Variants in RNF17 observed in about 807,000 individuals in gnomAD.
RNF17 encodes ring finger protein 17, also known as spermatogenesis associated 23.
RNF17 carries 31 observed loss-of-function variants against 200.5 expected under a neutral mutation model. The observed-to-expected ratio is 0.15, with a 90% CI of 0.12 to 0.21. The LOEUF is 0.21. Among genes scored for constraint, RNF17 ranks in the 10% least tolerant of loss-of-function variants. The pLI is 1.00. For missense variants in RNF17, 1,628 were observed against 1,905.1 expected, an observed-to-expected ratio of 0.85 and a Z score of 2.71; for synonymous variants, 606 against 637.8, an observed-to-expected ratio of 0.95 and a Z score of 0.75.
chr13:24,846,411 C>A (rs999554571), intron 22 of RNF17, among the ~76,000 whole-genome samples: 1 of 152,168 alleles, frequency 6.6e-6, no homozygotes, highest in Non-Finnish European at 1.5e-5. Flanking sequence ...TGGCCCTCCC[C>A]CAGAGGTTCA....
chr13:24,850,197 C>T (rs1009204265), intron 22 of RNF17, 144 bp from the exon 23 acceptor site: 11 of 453,684 alleles, frequency 2.4e-5, no homozygotes, highest in African/African-American at 4.0e-5. Context: ...AAAAATAATA[C>T]GAATCCATGT....
At chr13:24,887,345 CAGG>C in the RNF17 span, among the ~76,000 whole-genome samples, 5 of 152,184 alleles carry the variant, frequency 3.3e-5, no homozygotes, top group South Asian at 6.2e-4. Flanking sequence ...GGCCACACAG[CAGG>C]AGATGAGCAG....
intron 15 of RNF17, among the ~76,000 whole-genome samples, chr13:24,814,692 T>G (rs1887172992): frequency 1.3e-5 from 2 of 152,360 alleles, no homozygotes; most frequent in South Asian, 4.1e-4. Flanking sequence ...GGACTTTCTA[T>G]TTTGTTCCAT....
intron 15 of RNF17, among the ~76,000 whole-genome samples, chr13:24,815,062 G>A (rs1438325040): frequency 1.3e-5 from 2 of 152,186 alleles, no homozygotes; most frequent in Non-Finnish European, 2.9e-5. Flanking sequence ...ATAAGATCAT[G>A]TCATCTATGA....
At chr13:24,820,121 CTTTTT>C (rs200683421) in intron 15 of RNF17, among the ~76,000 whole-genome samples, 2 of 113,300 alleles carry the variant, frequency 1.8e-5, no homozygotes. Context: ...TTTCTTTTTT[CTTTTT>C]TTTTTTTTTT....
At chr13:24,811,618 G>A (rs1349135527) in intron 15 of RNF17, among the ~76,000 whole-genome samples, 1 of 152,016 alleles carries the variant, frequency 6.6e-6, no homozygotes, top group African/African-American at 2.4e-5. Context: ...TAATTTGATC[G>A]TCTGAAGCCT....
chr13:24,834,419 T>TAAC (rs140606076), intron 18 of RNF17, among the ~76,000 whole-genome samples: 124,801 of 150,404 alleles, frequency 0.83, 51,997 homozygotes, highest in South Asian at 0.91. Context: ...CATCTCAAAT[T>TAAC]AACAACAACA....
At chr13:24,751,705 T>C in the RNF17 span, 1 of 152,208 alleles carries the variant, frequency 6.6e-6, no homozygotes, top group Admixed American at 6.5e-5. Context: ...TCCCTGAATC[T>C]TCTGCACTTG....
chr13:24,753,899 G>A, the RNF17 span, among the ~76,000 whole-genome samples: 32 of 152,166 alleles, frequency 2.1e-4, no homozygotes, highest in Non-Finnish European at 2.8e-4. Flanking sequence ...GCTCATGCCT[G>A]TAATCCCAGC....
chr13:24,866,038 G>A (rs1829159648), intron 29 of RNF17, 106 bp from the exon 30 acceptor site: 1 of 676,734 alleles, frequency 1.5e-6, no homozygotes, highest in Non-Finnish European at 2.7e-6. Flanking sequence ...ATAAATAAAT[G>A]AATACCAACA....
intron 14 of RNF17, among the ~76,000 whole-genome samples, chr13:24,803,576 GCCTAGGCTGT>G (rs1222748096): frequency 6.6e-6 from 1 of 152,164 alleles, no homozygotes; most frequent in Non-Finnish European, 1.5e-5. Context: ...GAGCCACAGT[GCCTAGGCTGT>G]CCATCATTTC....
At chr13:24,849,670 G>A (rs1818349921) in intron 22 of RNF17, among the ~76,000 whole-genome samples, 1 of 152,112 alleles carries the variant, frequency 6.6e-6, no homozygotes. Context: ...ATGCATTACT[G>A]TCTGACAGTA....
intron 32 of RNF17, among the ~76,000 whole-genome samples, chr13:24,871,920 C>T (rs1474674598): frequency 8.0e-5 from 12 of 150,342 alleles, no homozygotes; most frequent in Non-Finnish European, 1.5e-4. Flanking sequence ...CGTGAGCCAC[C>T]GTGCCCGGCC....
In RNF17 at chr13:24,866,088, A is replaced by T. The variant is rs866537277; in HGVS notation, c.4102-56A>T. On this transcript the variant is annotated intron_variant, in intron 29 of 35. Transcript: ENST00000255324. ...GTTTTTGTGGGGATGAAATATGGAA[A>T]GTACCTTAAAACAATATAGCTAAAG... 131 of 939,504 alleles carry T rather than the reference A, an allele frequency of 1.4e-4. 1 individual carries two copies. The highest frequency in any genetic ancestry group is 2.7e-4 in the South Asian group (18 of 66,358). The allele number at this position is 939,504 out of a possible 1,614,324, so 58.2% of individuals were successfully genotyped here.
Position 24,877,194 on chromosome 13 carries a change from T to TCTC in RNF17, c.4773+9_4773+11dup. ...CTCTATGCTGTGTCCATGGTAAGTG[T>TCTC]CTCAAGTAGCCAAAATTATTGTAAA... On this transcript the variant is annotated intron_variant, in intron 34 of 35. Transcript: ENST00000255324. The TCTC allele has an allele frequency of 6.2e-7, 1 of 1,601,574 alleles. No homozygotes were observed. The highest frequency in any genetic ancestry group is 8.5e-7 in the Non-Finnish European group (1 of 1,176,202).
intron 15 of RNF17, among the ~76,000 whole-genome samples, chr13:24,811,483 T>G (rs549544708): frequency 4.0e-3 from 611 of 152,344 alleles, no homozygotes; most frequent in Non-Finnish European, 6.9e-3. Context: ...GCCTTGGTTT[T>G]CAGCTCCATC....
intron 22 of RNF17, 24 bp from the exon 23 acceptor site, chr13:24,850,317 A>G: frequency 6.8e-7 from 1 of 1,464,904 alleles, no homozygotes; most frequent in Non-Finnish European, 9.5e-7. Flanking sequence ...TTATAAAACA[A>G]GTTGCCACTG....
chr13:24,876,368 G>A (rs1894856432), intron 33 of RNF17, among the ~76,000 whole-genome samples: 5 of 152,162 alleles, frequency 3.3e-5, no homozygotes, highest in Admixed American at 3.3e-4. Context: ...TTTGGGTCTT[G>A]TGAATAATGC....
intron 25 of RNF17, among the ~76,000 whole-genome samples, chr13:24,855,068 A>G (rs759458394): frequency 6.6e-6 from 1 of 152,230 alleles, no homozygotes; most frequent in Non-Finnish European, 1.5e-5. Context: ...TTATGTAACC[A>G]GAACCATAAT....
Sources: allele counts gnomAD v4.1 joint callset (sites outside exome capture counted in the v4.1 genomes callset), GRCh38; gene constraint gnomAD v4.1.1; transcripts MANE v1.5; gene names NCBI Gene and HGNC (gene_info 2026-07-23, HGNC 2026-07-21).